LMNTD1: variants seen among roughly 807,000 people sequenced by gnomAD.
LMNTD1 encodes lamin tail domain containing 1.
In LMNTD1, 35 loss-of-function variants were observed where a neutral mutation model predicts 50.9. That is an observed-to-expected ratio of 0.69 (90% confidence interval 0.53 to 0.91). The LOEUF is 0.91. Ranked by LOEUF, LMNTD1 falls within the 40% of genes least tolerant of loss-of-function variation. LMNTD1 has a pLI of 0.00. For synonymous variants in LMNTD1, 153 were observed against 161.9 expected (o/e 0.94, Z 0.42); for missense variants, 470 against 475.5 (o/e 0.99, Z 0.11).
At chr12:25,506,083 A>G (rs1308773326) in intron 8 of LMNTD1, among the ~76,000 whole-genome samples, 6 of 152,230 alleles carry the variant, frequency 3.9e-5, no homozygotes, top group South Asian at 2.1e-4. Flanking sequence ...CCTAAGACAG[A>G]TAAGTCAGAT....
chr12:25,503,661 T>G, intron 9 of LMNTD1, 77 bp downstream of exon 9: 1 of 785,994 alleles, frequency 1.3e-6, no homozygotes, highest in Non-Finnish European at 2.2e-6. Context: ...CTGATGACTT[T>G]CAAAGACATT....
chr12:25,477,480 A>G (rs934832601), intron 9 of LMNTD1, among the ~76,000 whole-genome samples: 2 of 152,156 alleles, frequency 1.3e-5, no homozygotes, highest in Non-Finnish European at 2.9e-5. Context: ...ATGGAGGATA[A>G]TAGTTGGAAG....
rs1270256355 is a variant in LMNTD1 at position 25,546,425 on chromosome 12, G to A, written c.440C>T (p.Thr147Ile). ...AAGAATCATAGAAAAGTATTTTAAA[G>A]TTTTCTGAGTGTAGTTTGAGTGTGC... The part of the protein sequence containing the change: ...LTAHSNYTQK[T>I]LKYFSMILEE... Residue 147 changes from threonine (T) to isoleucine (I), a missense_variant, in exon 4 of 10, where the codon ACT (threonine) becomes ATT (isoleucine). Physicochemically the swap from Thr to Ile is moderately conservative, Grantham distance 89 (BLOSUM62 -1). Transcript: ENST00000458174. 2 of 1,595,670 alleles carry A rather than the reference G, an allele frequency of 1.3e-6. No homozygotes were observed. The highest frequency in any genetic ancestry group is 1.7e-5 in the Admixed American group (1 of 57,804).
At chr12:25,494,846 G>A (rs143647857) in intron 9 of LMNTD1, among the ~76,000 whole-genome samples, 18 of 152,006 alleles carry the variant, frequency 1.2e-4, no homozygotes, top group Admixed American at 7.9e-4. Context: ...CATTTGTTTC[G>A]TGGCAAAAAC....
chr12:25,502,475 T>C (rs567789554), intron 9 of LMNTD1, among the ~76,000 whole-genome samples: 5 of 152,352 alleles, frequency 3.3e-5, no homozygotes, highest in South Asian at 4.1e-4. Flanking sequence ...AGGACTATAT[T>C]ACTAGGAGCC....
At chr12:25,488,105 T>G (rs1938727648) in intron 9 of LMNTD1, among the ~76,000 whole-genome samples, 1 of 148,306 alleles carries the variant, frequency 6.7e-6, no homozygotes, top group Non-Finnish European at 1.5e-5. Flanking sequence ...CTGACAATTG[T>G]GTGTCTTGGA....
chr12:25,610,275 C>G (rs1946211839), intron 1 of LMNTD1, among the ~76,000 whole-genome samples: 1 of 152,130 alleles, frequency 6.6e-6, no homozygotes, highest in Non-Finnish European at 1.5e-5. Context: ...AGGGAAATTT[C>G]CAGGCCCCTT....
intron 1 of LMNTD1, among the ~76,000 whole-genome samples, chr12:25,559,138 T>C (rs2136292595): frequency 6.6e-6 from 1 of 152,220 alleles, no homozygotes; most frequent in South Asian, 2.1e-4. Context: ...GTCGGTATGC[T>C]GCACCCGTTA....
chr12:25,570,214 T>A (rs1944729941), intron 1 of LMNTD1, among the ~76,000 whole-genome samples: 1 of 152,238 alleles, frequency 6.6e-6, no homozygotes, highest in African/African-American at 2.4e-5. Flanking sequence ...CTGGAATTTA[T>A]TATTTAGATG....
chr12:25,520,490 GTGTC>G (rs139033199), intron 6 of LMNTD1, among the ~76,000 whole-genome samples: 3,014 of 152,104 alleles, frequency 0.02, 78 homozygotes, highest in African/African-American at 0.058. Flanking sequence ...TTTTCTTTCT[GTGTC>G]TGACTTATTT....
At chr12:25,532,467 C>T (rs1334417798) in intron 4 of LMNTD1, among the ~76,000 whole-genome samples, 2 of 152,034 alleles carry the variant, frequency 1.3e-5, no homozygotes, top group Non-Finnish European at 2.9e-5. Flanking sequence ...TTGAGAAAAA[C>T]CTCTAACTTC....
chr12:25,644,375 C>T (rs1947019584), intron 1 of LMNTD1, among the ~76,000 whole-genome samples: 1 of 149,728 alleles, frequency 6.7e-6, no homozygotes, highest in Admixed American at 6.6e-5. Context: ...GTCTCAGCTA[C>T]TCAAGAGGGT....
At chr12:25,628,461 C>T (rs1438461288) in intron 1 of LMNTD1, among the ~76,000 whole-genome samples, 1 of 152,138 alleles carries the variant, frequency 6.6e-6, no homozygotes, top group East Asian at 1.9e-4. Flanking sequence ...ACCTTCCAAA[C>T]ATCAGAATTG....
chr12:25,555,114 T>C (rs1943985010), upstream of LMNTD1, among the ~76,000 whole-genome samples: 1 of 151,960 alleles, frequency 6.6e-6, no homozygotes, highest in South Asian at 2.1e-4. Flanking sequence ...AGCCTAGCTC[T>C]ATATGTCATA....
intron 1 of LMNTD1, among the ~76,000 whole-genome samples, chr12:25,598,193 T>A (rs1945882236): frequency 6.6e-6 from 1 of 152,124 alleles, no homozygotes; most frequent in Admixed American, 6.6e-5. Flanking sequence ...GTTGGGTATG[T>A]CTTTGTTAGC....
chr12:25,519,586 T>TTTAAAAAAAAAAAAAA (rs781742784), intron 7 of LMNTD1, among the ~76,000 whole-genome samples: 11 of 74,940 alleles, frequency 1.5e-4, no homozygotes, highest in South Asian at 1.1e-3. Flanking sequence ...AGACTCTGTC[T>TTTAAAAAAAAAAAAAA]CAAAAAAAAA....
chr12:25,525,957 A>G, intron 6 of LMNTD1, 142 bp downstream of exon 6: 1 of 477,492 alleles, frequency 2.1e-6, no homozygotes. Flanking sequence ...CAATAAAATA[A>G]TCTTTTAGGC....
At chr12:25,544,760 T>C (rs1401994863) in intron 4 of LMNTD1, among the ~76,000 whole-genome samples, 1 of 151,742 alleles carries the variant, frequency 6.6e-6, no homozygotes, top group Non-Finnish European at 1.5e-5. Flanking sequence ...AAAAACATCT[T>C]ACAGCTATAA....
chr12:25,549,759 A>G (rs1267661730), intron 2 of LMNTD1, among the ~76,000 whole-genome samples: 2 of 152,154 alleles, frequency 1.3e-5, no homozygotes, highest in Admixed American at 6.6e-5. Flanking sequence ...AAATATTTGA[A>G]AATTAACAAA....
Sources: gnomAD v4.1 joint callset for allele counts (sites outside exome capture counted in the v4.1 genomes callset) on GRCh38, gnomAD v4.1.1 for gene constraint, MANE v1.5 for transcripts, NCBI Gene and HGNC (gene_info 2026-07-23, HGNC 2026-07-21) for gene names.